The following MALRD1 variants were observed in gnomAD, a reference collection of about 807,000 sequenced individuals.
MALRD1 encodes MAM and LDL receptor class A domain containing 1.
A neutral mutation model predicts 242.1 loss-of-function variants in MALRD1; 247 were observed. That is an observed-to-expected ratio of 1.02 (90% CI 0.92 to 1.13). The LOEUF is 1.13. Ranked by LOEUF, MALRD1 falls within the 50% of genes most tolerant of loss-of-function variation. MALRD1 has a pLI of 0.00. For synonymous variants in MALRD1, 995 were observed against 866.6 expected (o/e 1.15, Z -2.60); for missense variants, 2,989 against 2,533.1 (o/e 1.18, Z -3.86).
chr10:19,120,832 C>A (rs1241476748), intron 5 of MALRD1, among the ~76,000 whole-genome samples: 1 of 152,164 alleles, frequency 6.6e-6, no homozygotes, highest in Non-Finnish European at 1.5e-5. Context: ...GCAACCCTGC[C>A]TCCCGGGTTC....
At chr10:19,585,544 A>G (rs1187033936) in intron 33 of MALRD1, among the ~76,000 whole-genome samples, 3 of 152,176 alleles carry the variant, frequency 2.0e-5, no homozygotes, top group African/African-American at 7.2e-5. Context: ...AAGAATGTTG[A>G]ATATTGGCCC....
At chr10:19,568,099 T>A (rs7909059) in intron 33 of MALRD1, among the ~76,000 whole-genome samples, 13,649 of 152,128 alleles carry the variant, frequency 0.09, 1,885 homozygotes, top group African/African-American at 0.3. Flanking sequence ...GCCACGTTCC[T>A]TCTCCTAACC....
In MALRD1 at chr10:19,283,015, C is replaced by T; in HGVS notation, c.3257-4C>T. On this transcript the variant is annotated splice_region_variant and splice_polypyrimidine_tract_variant and intron_variant, in intron 20 of 39. Coordinates refer to ENST00000454679, the MANE Select transcript of MALRD1 (RefSeq NM_001142308.3). ...CACCTTTTCTTTGTTCTACCCCATC[C>T]AAGTTATGGAAGTTTGCAGCTTTGA... 3.9e-6 allele frequency: 6 copies of T among 1,535,248 alleles called. No homozygotes were observed. The highest frequency in any genetic ancestry group is 5.3e-6 in the Non-Finnish European group (6 of 1,138,120).
At chr10:19,052,750 A>G (rs1358492123) in intron 1 of MALRD1, among the ~76,000 whole-genome samples, 2 of 152,078 alleles carry the variant, frequency 1.3e-5, no homozygotes, top group Non-Finnish European at 2.9e-5. Flanking sequence ...CCAAGCCATC[A>G]TCCTGTTCCC....
rs34024633 is a variant in MALRD1, at chr10:19,140,543, ATGTGTGTG to A, written c.1411+3784_1411+3791del. Among the ~76,000 whole-genome samples the A allele has an allele frequency of 1.9e-3, 284 of 147,082 alleles. 2 individuals carry two copies. Among genetic ancestry groups the A allele is most frequent in the African/African-American group, 6.7e-3 (267 of 39,966 alleles). Reference sequence around the variant, plus strand: ...ACAAGTGGGGTGTGTGTGTGTGTGTATGTGTGTGTGTGTGTGTGTGTGTGTGTGTATAA... The same window carrying A: ...ACAAGTGGGGTGTGTGTGTGTGTGTATGTGTGTGTGTGTGTGTGTGTATAA... On this transcript the variant is annotated intron_variant, in intron 10 of 39. Coordinates refer to ENST00000454679, the MANE Select transcript of MALRD1 (RefSeq NM_001142308.3).
chr10:19,547,815 T>TAC (rs1835298273), intron 32 of MALRD1, among the ~76,000 whole-genome samples: 1 of 16,934 alleles, frequency 5.9e-5, no homozygotes, highest in African/African-American at 1.9e-4. Context: ...TATATATATA[T>TAC]ATATTTTTTT....
chr10:19,631,371 T>C (rs1387866770), intron 36 of MALRD1, among the ~76,000 whole-genome samples: 1 of 152,210 alleles, frequency 6.6e-6, no homozygotes, highest in Non-Finnish European at 1.5e-5. Flanking sequence ...ATATGTATCA[T>C]ATTTCTTTTG....
chr10:19,123,682 T>C, intron 6 of MALRD1, 89 bp downstream of exon 6: 1 of 649,322 alleles, frequency 1.5e-6, no homozygotes, highest in Non-Finnish European at 2.2e-6. Flanking sequence ...CGCGCCAACC[T>C]TTGTTGACAT....
intron 18 of MALRD1, among the ~76,000 whole-genome samples, chr10:19,238,669 A>T (rs1161952867): frequency 1.4e-5 from 2 of 144,596 alleles, no homozygotes; most frequent in Non-Finnish European, 3.0e-5. Flanking sequence ...AGTAAACATA[A>T]GAGTGCAGAT....
intron 31 of MALRD1, among the ~76,000 whole-genome samples, chr10:19,509,106 TAAC>T (rs1833279397): frequency 6.6e-6 from 1 of 152,166 alleles, no homozygotes; most frequent in South Asian, 2.1e-4. Flanking sequence ...TTATATATAT[TAAC>T]AAAGTATATC....
chr10:19,461,189 G>T lies in MALRD1; in HGVS notation c.5029+10699G>T, dbSNP rs76717828. On this transcript the variant is annotated intron_variant, in intron 29 of 39. Transcript: ENST00000454679. Reference sequence around the variant, plus strand: ...GCATATACACAATCTCATTTAAGAGGGGAATAAGAATGTTTAGTATGGAAT... The same window carrying T: ...GCATATACACAATCTCATTTAAGAGTGGAATAAGAATGTTTAGTATGGAAT... 2.5e-3 allele frequency among the ~76,000 whole-genome samples: 380 copies of T among 152,172 alleles called. 8 individuals are homozygous for T. In the East Asian group the frequency reaches 0.051, roughly 20 times the overall value.
intron 36 of MALRD1, among the ~76,000 whole-genome samples, chr10:19,668,275 A>G (rs769604678): frequency 1.8e-4 from 27 of 152,136 alleles, no homozygotes; most frequent in Non-Finnish European, 3.4e-4. Context: ...CCAAACTCCC[A>G]CTGTCACCAC....
At chr10:19,715,317 A>C (rs1834331313) in intron 38 of MALRD1, among the ~76,000 whole-genome samples, 2 of 151,218 alleles carry the variant, frequency 1.3e-5, no homozygotes, top group African/African-American at 2.4e-5. Flanking sequence ...AATTATATTT[A>C]TTAATATATT....
At position 19,651,201 on chromosome 10, in the gene MALRD1, G is replaced by A. The variant is rs567617285; in HGVS notation, c.6137+35278G>A. On this transcript the variant is annotated intron_variant, in intron 36 of 39. Coordinates refer to ENST00000454679, the MANE Select transcript of MALRD1 (RefSeq NM_001142308.3). ...TACAGTAATATTTTAATTAACTATCGTGGTTAGGAAGTTGATATTTCTAGT... is the reference window on the plus strand; with the variant it reads ...TACAGTAATATTTTAATTAACTATCATGGTTAGGAAGTTGATATTTCTAGT... Among the ~76,000 whole-genome samples the A allele has an allele frequency of 7.9e-5, 12 of 152,230 alleles. No homozygotes were observed. The South Asian group carries it at 1.0e-3, about 13-fold the overall frequency.
intron 11 of MALRD1, among the ~76,000 whole-genome samples, chr10:19,149,595 C>T (rs1181079651): frequency 6.6e-6 from 1 of 152,018 alleles, no homozygotes; most frequent in Non-Finnish European, 1.5e-5. Flanking sequence ...AATATATTAT[C>T]TTGTAACTAT....
intron 19 of MALRD1, among the ~76,000 whole-genome samples, chr10:19,265,607 C>A (rs573113269): frequency 6.6e-6 from 1 of 152,126 alleles, no homozygotes; most frequent in South Asian, 2.1e-4. Flanking sequence ...CTTCAAACTT[C>A]CTAATTTGTT....
At chr10:19,712,994 C>T (rs571824718) in intron 38 of MALRD1, among the ~76,000 whole-genome samples, 1 of 152,012 alleles carries the variant, frequency 6.6e-6, no homozygotes, top group South Asian at 2.1e-4. Context: ...CCATTATACT[C>T]CAATGTTTTG....
intron 10 of MALRD1, among the ~76,000 whole-genome samples, chr10:19,140,164 T>G (rs570002868): frequency 2.0e-5 from 3 of 152,288 alleles, no homozygotes; most frequent in South Asian, 2.1e-4. Context: ...TACATAGCTT[T>G]CTTTCTTATT....
At chr10:19,190,372 T>C (rs533121044) in intron 14 of MALRD1, among the ~76,000 whole-genome samples, 3 of 152,120 alleles carry the variant, frequency 2.0e-5, no homozygotes, top group Non-Finnish European at 2.9e-5. Flanking sequence ...GATGTCAGTA[T>C]CACTCAAAGT....
Sources: allele counts gnomAD v4.1 joint callset (sites outside exome capture counted in the v4.1 genomes callset), GRCh38; gene constraint gnomAD v4.1.1; transcripts MANE v1.5; gene names NCBI Gene and HGNC (gene_info 2026-07-23, HGNC 2026-07-21).